The following CHST11 variants were observed in gnomAD, a reference collection of about 807,000 sequenced individuals.
CHST11 encodes C4S-1.
A neutral mutation model predicts 30.4 loss-of-function variants in CHST11; 9 were observed. The observed-to-expected ratio is 0.30, with a 90% CI of 0.18 to 0.52. The LOEUF is 0.52. Ranked by LOEUF, CHST11 falls within the 20% of genes least tolerant of loss-of-function variation. The pLI, the probability that CHST11 is intolerant of heterozygous loss-of-function variation, is 0.97. For synonymous variants in CHST11, 152 were observed against 187.8 expected (o/e 0.81, Z 1.56); for missense variants, 348 against 460.6 (o/e 0.76, Z 2.24).
rs562574298 is a variant in CHST11, at chr12:104,526,781, C to T, written c.118+69252C>T. ...TTTGGGAGTGGGTGATCAGGCCCAG[C>T]CAGGGAAGGGTTGCTTTGAGAACCC... is the stretch of plus-strand genomic sequence containing the variant. On this transcript the variant is annotated intron_variant, in intron 1 of 2. Coordinates refer to ENST00000303694, the MANE Select transcript of CHST11 (RefSeq NM_018413.6). Among the ~76,000 whole-genome samples the T allele has an allele frequency of 8.3e-4, 126 of 152,298 alleles. 1 individual carries two copies. The highest frequency in any genetic ancestry group is 2.7e-3 in the African/African-American group (111 of 41,568).
intron 1 of CHST11, among the ~76,000 whole-genome samples, chr12:104,504,438 C>T (rs2037883181): frequency 6.6e-6 from 1 of 152,226 alleles, no homozygotes; most frequent in Non-Finnish European, 1.5e-5. Flanking sequence ...ACCTCAGTGG[C>T]AGCAGGTGGG....
intron 1 of CHST11, among the ~76,000 whole-genome samples, chr12:104,499,718 A>C (rs1339391051): frequency 6.6e-6 from 1 of 152,094 alleles, no homozygotes; most frequent in Non-Finnish European, 1.5e-5. Flanking sequence ...CAGGAAGGGA[A>C]ATGATCAAAA....
chr12:104,514,397 CT>C, intron 1 of CHST11: 1 of 911,046 alleles, frequency 1.1e-6, no homozygotes, highest in Non-Finnish European at 1.8e-6. Flanking sequence ...TCATGGGGCT[CT>C]TCTGTTTGAT....
chr12:104,594,434 A>G (rs746878508), intron 1 of CHST11, among the ~76,000 whole-genome samples: 9 of 152,108 alleles, frequency 5.9e-5, no homozygotes, highest in African/African-American at 9.7e-5. Context: ...TTTCGGGAGG[A>G]CTTATTGGCT....
chr12:104,546,725 T>C (rs1302618729), intron 1 of CHST11, among the ~76,000 whole-genome samples: 1 of 152,180 alleles, frequency 6.6e-6, no homozygotes, highest in Non-Finnish European at 1.5e-5. Flanking sequence ...TGCAGCTGCT[T>C]TGATCTAACT....
intron 1 of CHST11, among the ~76,000 whole-genome samples, chr12:104,513,138 T>TGGGGG (rs1565969843): frequency 2.1e-3 from 7 of 3,338 alleles, no homozygotes; most frequent in East Asian, 6.4e-3. Flanking sequence ...GGGGGGGGGG[T>TGGGGG]TGGGGGTGGG....
intron 2 of CHST11, among the ~76,000 whole-genome samples, chr12:104,656,162 T>G (rs12316883): frequency 0.025 from 3,812 of 152,288 alleles, 172 homozygotes; most frequent in African/African-American, 0.086. Context: ...ATTTGGAAAT[T>G]TGGTGTCCAC....
intron 1 of CHST11, among the ~76,000 whole-genome samples, chr12:104,525,784 T>C (rs1173296897): frequency 6.6e-6 from 1 of 152,188 alleles, no homozygotes; most frequent in East Asian, 1.9e-4. Context: ...ATAAGATATG[T>C]GATGCCTTTT....
rs1171431397 is a variant in CHST11, at chr12:104,600,847, C to CT, written c.119-1053dup. 6.6e-6 allele frequency among the ~76,000 whole-genome samples: 1 copy of CT among 151,628 alleles called. No individual in the cohort carries two copies. The highest frequency in any genetic ancestry group is 2.4e-5 in the African/African-American group (1 of 41,114). The stretch of plus-strand genomic sequence containing the variant: ...CCCCATTTATTCTTCCCCCATCTCT[C>CT]TTTTTTCCCTCTCTCCTTCTTTCCT... On this transcript the variant is annotated intron_variant, in intron 1 of 2. Transcript: ENST00000303694. This position sits in a 1 kb window ranked among gnomAD's most constrained non-coding sequence, Gnocchi z 4.1.
chr12:104,473,170 G>T (rs4964804), intron 1 of CHST11, among the ~76,000 whole-genome samples: 14 of 152,070 alleles, frequency 9.2e-5, no homozygotes, highest in Non-Finnish European at 1.8e-4. Flanking sequence ...AAATGAACTC[G>T]GGGCCATTTG....
intron 2 of CHST11, among the ~76,000 whole-genome samples, chr12:104,697,317 T>C (rs2039955964): frequency 6.6e-6 from 1 of 152,198 alleles, no homozygotes; most frequent in South Asian, 2.1e-4. Context: ...CTGGAAGAGA[T>C]TAGTCTTTGA....
rs73392309 is a variant in CHST11 at position 104,726,357 on chromosome 12, C to G, written c.205-30592C>G. ...GTGCAGAGTCCACGCTTGAAGCAGA[C>G]ACTGGATCTGCCGTTGAGCATATTC... is the stretch of plus-strand genomic sequence containing the variant. On this transcript the variant is annotated intron_variant, in intron 2 of 2. Coordinates refer to ENST00000303694, the MANE Select transcript of CHST11 (RefSeq NM_018413.6). Among the ~76,000 whole-genome samples the G allele has an allele frequency of 3.8e-3, 574 of 152,252 alleles. 2 individuals carry two copies. The highest frequency in any genetic ancestry group is 0.013 in the African/African-American group (525 of 41,540).
chr12:104,462,836 C>G (rs2037422554), intron 1 of CHST11, among the ~76,000 whole-genome samples: 1 of 152,180 alleles, frequency 6.6e-6, no homozygotes, highest in African/African-American at 2.4e-5. Flanking sequence ...TCTCCTTGAT[C>G]ATTTAAATGT....
intron 1 of CHST11, among the ~76,000 whole-genome samples, chr12:104,482,155 T>C (rs1322881902): frequency 6.6e-6 from 1 of 152,090 alleles, no homozygotes; most frequent in Non-Finnish European, 1.5e-5. Context: ...TTGTTGCTGA[T>C]ATAAAGAATG....
chr12:104,690,623 C>A (rs997800459), intron 2 of CHST11, among the ~76,000 whole-genome samples: 5 of 152,152 alleles, frequency 3.3e-5, no homozygotes, highest in Middle Eastern at 3.2e-3. Flanking sequence ...CCCAAGAGTT[C>A]TAGACCGGCC....
At chr12:104,585,899 G>A (rs1297019656) in intron 1 of CHST11, among the ~76,000 whole-genome samples, 2 of 151,996 alleles carry the variant, frequency 1.3e-5, no homozygotes, top group Non-Finnish European at 2.9e-5. Context: ...TTGAATCTCT[G>A]CCTCTGTCTT....
rs1453124331 is a variant in CHST11 at position 104,694,135 on chromosome 12, G to A, written c.205-62814G>A. ...AGCTTTATGGCATATCTATTCATCA[G>A]AAAGCTTTGCCAGGTATTGTATAGA... On this transcript the variant is annotated intron_variant, in intron 2 of 2. Transcript: ENST00000303694. 2.6e-5 allele frequency among the ~76,000 whole-genome samples: 4 copies of A among 152,266 alleles called. No homozygotes were observed. The East Asian group carries it at 7.7e-4, about 29-fold the overall frequency.
At position 104,600,092 on chromosome 12, in the gene CHST11, G is replaced by A. The variant is rs967564350; in HGVS notation, c.119-1814G>A. Among the ~76,000 whole-genome samples, 2 of 152,208 alleles carry A rather than the reference G, an allele frequency of 1.3e-5. No homozygotes were observed. Among genetic ancestry groups the A allele is most frequent in the Non-Finnish European group, 2.9e-5 (2 of 68,034 alleles). ...AAAATTTTGCTGACCCCTGCCCTAG[G>A]AAGTCAAGGAAAAGGAAAGAGAAAA... On this transcript the variant is annotated intron_variant, in intron 1 of 2. Coordinates refer to ENST00000303694, the MANE Select transcript of CHST11 (RefSeq NM_018413.6). This position sits in a 1 kb window ranked among gnomAD's most constrained non-coding sequence, Gnocchi z 4.1.
chr12:104,590,992 T>A (rs2038852590), intron 1 of CHST11, among the ~76,000 whole-genome samples: 1 of 150,760 alleles, frequency 6.6e-6, no homozygotes, highest in Non-Finnish European at 1.5e-5. Context: ...TGGGAGACAG[T>A]GTGTCCAGGG....
Sources: allele counts gnomAD v4.1 joint callset (sites outside exome capture counted in the v4.1 genomes callset), GRCh38; gene constraint gnomAD v4.1.1; non-coding constraint Gnocchi (gnomAD v3.1); transcripts MANE v1.5; gene names NCBI Gene and HGNC (gene_info 2026-07-23, HGNC 2026-07-21).